The following PBX3 variants were observed in gnomAD, a reference collection of about 807,000 sequenced individuals.
PBX3 encodes PBX homeobox 3.
Under a neutral mutation model 48.5 loss-of-function variants are expected in PBX3, and 14 were observed. The ratio of observed to expected loss-of-function variants is 0.29; its 90% CI spans 0.19 to 0.45. PBX3 has a LOEUF of 0.45. Ranked by LOEUF, PBX3 falls within the 20% of genes least tolerant of loss-of-function variation. PBX3 has a pLI of 1.00. For missense variants in PBX3, 386 were observed against 546.7 expected, an observed-to-expected ratio of 0.71 and a Z score of 2.93; for synonymous variants, 210 against 200.3, an observed-to-expected ratio of 1.05 and a Z score of -0.41.
At chr9:125,797,607 A>C (rs746498998) in intron 2 of PBX3, 3 of 152,164 alleles carry the variant, frequency 2.0e-5, no homozygotes, top group Non-Finnish European at 1.5e-5. Context: ...TATAGTACAC[A>C]GTAAAATGGT....
intron 4 of PBX3, among the ~76,000 whole-genome samples, chr9:125,934,553 T>C (rs902949640): frequency 5.3e-5 from 8 of 152,316 alleles, no homozygotes; most frequent in Admixed American, 5.2e-4. Context: ...TGTTAATAAA[T>C]GCTTGATCTT....
intron 2 of PBX3, among the ~76,000 whole-genome samples, chr9:125,822,288 G>T (rs972991966): frequency 2.0e-5 from 3 of 151,962 alleles, no homozygotes; most frequent in Non-Finnish European, 2.9e-5. Flanking sequence ...AGCATATACA[G>T]CATATAGCTT....
intron 2 of PBX3, among the ~76,000 whole-genome samples, chr9:125,790,992 C>T (rs149921654): frequency 9.2e-4 from 140 of 151,674 alleles, no homozygotes; most frequent in African/African-American, 3.3e-3. Context: ...TGGCTCACTG[C>T]AACTTCTGCC....
At chr9:125,834,249 G>A (rs1418002466) in intron 2 of PBX3, among the ~76,000 whole-genome samples, 2 of 152,052 alleles carry the variant, frequency 1.3e-5, no homozygotes, top group African/African-American at 4.8e-5. Context: ...TGTAAGAGAA[G>A]GAAAAATATG....
At chr9:125,841,101 T>C (rs1839278743) in intron 2 of PBX3, among the ~76,000 whole-genome samples, 1 of 152,156 alleles carries the variant, frequency 6.6e-6, no homozygotes, top group Non-Finnish European at 1.5e-5. Context: ...GAATTTATTA[T>C]GGTTTGTTTG....
rs117309032 is a variant in PBX3 at position 125,911,516 on chromosome 9, G to A, written c.275-4170G>A. Among the ~76,000 whole-genome samples, 1,430 of 152,180 alleles carry A rather than the reference G, an allele frequency of 9.4e-3. 11 individuals carry two copies. The highest frequency in any genetic ancestry group is 0.014 in the Non-Finnish European group (952 of 67,996). On this transcript the variant is annotated intron_variant, in intron 2 of 8. Coordinates refer to ENST00000373489, the MANE Select transcript of PBX3 (RefSeq NM_006195.6). ...GCTATGAAAAATTATAAGAATAACAGAAAACATTAATATTAAAATTGTCGC... is the reference window on the plus strand; with the variant it reads ...GCTATGAAAAATTATAAGAATAACAAAAAACATTAATATTAAAATTGTCGC...
intron 2 of PBX3, among the ~76,000 whole-genome samples, chr9:125,840,806 A>G (rs1021894514): frequency 2.0e-5 from 3 of 152,070 alleles, no homozygotes; most frequent in African/African-American, 7.2e-5. Context: ...TTTGAACCTC[A>G]TTCTAACTGA....
At chr9:125,790,180 A>G (rs925569203) in intron 2 of PBX3, among the ~76,000 whole-genome samples, 2 of 152,210 alleles carry the variant, frequency 1.3e-5, no homozygotes, top group African/African-American at 2.4e-5. Context: ...TATGAGGGAA[A>G]GATAATTTTG....
At chr9:125,763,779 G>A (rs1836732044) in intron 2 of PBX3, among the ~76,000 whole-genome samples, 2 of 152,184 alleles carry the variant, frequency 1.3e-5, no homozygotes, top group Non-Finnish European at 2.9e-5. Context: ...GATGGGGATT[G>A]AAAAGCAAAA....
At chr9:125,852,238 A>G (rs1211358809) in intron 2 of PBX3, among the ~76,000 whole-genome samples, 1 of 152,164 alleles carries the variant, frequency 6.6e-6, no homozygotes, top group Non-Finnish European at 1.5e-5. Flanking sequence ...TGGCAAAGGA[A>G]TGATGCTTGG....
intron 2 of PBX3, among the ~76,000 whole-genome samples, chr9:125,844,201 T>C (rs1839364741): frequency 6.6e-6 from 1 of 151,976 alleles, no homozygotes; most frequent in Non-Finnish European, 1.5e-5. Flanking sequence ...TATTTAATTT[T>C]TTTGCCTGCA....
chr9:125,961,481 A>G (rs1238465124), intron 6 of PBX3, among the ~76,000 whole-genome samples: 3 of 152,234 alleles, frequency 2.0e-5, no homozygotes, highest in Non-Finnish European at 2.9e-5. Context: ...GAACTTGAAT[A>G]ACAATGAAAG....
At chr9:125,783,072 ATAATT>A (rs1837364140) in intron 2 of PBX3, among the ~76,000 whole-genome samples, 1 of 152,174 alleles carries the variant, frequency 6.6e-6, no homozygotes, top group Non-Finnish European at 1.5e-5. Context: ...TTTTGGATGT[ATAATT>A]TAATGTCTTT....
intron 2 of PBX3, among the ~76,000 whole-genome samples, chr9:125,750,437 C>G (rs1390571513): frequency 6.6e-6 from 1 of 152,126 alleles, no homozygotes; most frequent in Non-Finnish European, 1.5e-5. Flanking sequence ...AAGCATAAGT[C>G]CTTTAGTTGC....
chr9:125,811,869 ATGTT>A (rs759893971), intron 2 of PBX3, among the ~76,000 whole-genome samples: 12 of 151,994 alleles, frequency 7.9e-5, no homozygotes, highest in Non-Finnish European at 1.6e-4. Context: ...TGTGGTCTGA[ATGTT>A]TGTGTCCCCT....
intron 2 of PBX3, among the ~76,000 whole-genome samples, chr9:125,774,529 A>G (rs927982159): frequency 6.6e-6 from 1 of 151,744 alleles, no homozygotes; most frequent in South Asian, 2.1e-4. Flanking sequence ...GGCATCTTTC[A>G]CTTAATGTTT....
chr9:125,869,803 A>G (rs1351519101), intron 2 of PBX3, among the ~76,000 whole-genome samples: 1 of 152,210 alleles, frequency 6.6e-6, no homozygotes, highest in African/African-American at 2.4e-5. Flanking sequence ...TCTGAGTAGC[A>G]ACAATAATGA....
chr9:125,932,106 T>C (rs2132519859), intron 4 of PBX3, among the ~76,000 whole-genome samples: 1 of 152,300 alleles, frequency 6.6e-6, no homozygotes, highest in Middle Eastern at 3.4e-3. Flanking sequence ...AACCACTTAC[T>C]TCCCTGGCTC....
chr9:125,840,329 T>C (rs1036783800), intron 2 of PBX3, among the ~76,000 whole-genome samples: 1 of 152,036 alleles, frequency 6.6e-6, no homozygotes, highest in Admixed American at 6.6e-5. Context: ...TATTTAATAG[T>C]GTTCTTCTGG....
Sources: gnomAD v4.1 joint callset for allele counts (sites outside exome capture counted in the v4.1 genomes callset) on GRCh38, gnomAD v4.1.1 for gene constraint, MANE v1.5 for transcripts, NCBI Gene and HGNC (gene_info 2026-07-23, HGNC 2026-07-21) for gene names.